The following GRIN2B variants were observed in gnomAD, a reference collection of about 807,000 sequenced individuals.
The protein encoded by GRIN2B is glutamate ionotropic receptor NMDA type subunit 2B, also known as glutamate receptor ionotropic, NMDA 2B.
In GRIN2B, 5 loss-of-function variants were observed where a neutral mutation model predicts 114.5. That is an observed-to-expected ratio of 0.04 (90% CI 0.02 to 0.09). The LOEUF (loss-of-function observed/expected upper bound fraction) is 0.09. Ranked by LOEUF, GRIN2B falls within the 10% of genes least tolerant of loss-of-function variation. The pLI is 1.00. For synonymous variants in GRIN2B, 787 were observed against 745.1 expected (o/e 1.06, Z -0.92); for missense variants, 1,108 against 1,943.5 (o/e 0.57, Z 8.08).
chr12:13,677,628 T>C (rs1421638350), intron 4 of GRIN2B, among the ~76,000 whole-genome samples: 1 of 152,072 alleles, frequency 6.6e-6, no homozygotes, highest in Non-Finnish European at 1.5e-5. Flanking sequence ...ATAATATTGG[T>C]CTTCTTAGCT....
chr12:13,913,772 C>T (rs1866663611), intron 2 of GRIN2B, among the ~76,000 whole-genome samples: 1 of 152,128 alleles, frequency 6.6e-6, no homozygotes, highest in African/African-American at 2.4e-5. Context: ...ACTGTAAATG[C>T]TTAGTGGAGA....
At chr12:13,684,886 G>T (rs1950163668) in intron 4 of GRIN2B, among the ~76,000 whole-genome samples, 1 of 152,104 alleles carries the variant, frequency 6.6e-6, no homozygotes, top group African/African-American at 2.4e-5. Flanking sequence ...TTAAGGTGAA[G>T]GCTTGTCTTT....
At chr12:13,964,385 C>T (rs1054783529) in intron 2 of GRIN2B, among the ~76,000 whole-genome samples, 4 of 152,190 alleles carry the variant, frequency 2.6e-5, no homozygotes, top group East Asian at 1.9e-4. Context: ...AGCAAAGAGG[C>T]CCTGCCCTTG....
At chr12:13,666,314 CAGCA>C (rs1272896850) in intron 5 of GRIN2B, among the ~76,000 whole-genome samples, 3 of 152,122 alleles carry the variant, frequency 2.0e-5, no homozygotes, top group Non-Finnish European at 2.9e-5. Context: ...CCTGTAAAAC[CAGCA>C]ATGGGCCACC....
rs142940713 is a variant in GRIN2B at position 13,566,911 on chromosome 12, C to A, written c.2598+114G>T. On this transcript the variant is annotated intron_variant, in intron 13 of 13. Coordinates refer to ENST00000609686, the MANE Select transcript of GRIN2B (RefSeq NM_000834.5). ...TAAGAAAACATACATGATGTGGTTTCTTGCTTGAGCAACATGGGGGTGGAG... is the reference window on the plus strand; with the variant it reads ...TAAGAAAACATACATGATGTGGTTTATTGCTTGAGCAACATGGGGGTGGAG... 224 of 796,980 alleles carry A rather than the reference C, an allele frequency of 2.8e-4. No individual in the cohort carries two copies. The African/African-American group carries it at 3.3e-3, about 12-fold the overall frequency. The allele number at this position is 796,980 out of a possible 1,614,324, so 49.4% of individuals were successfully genotyped here.
chr12:13,966,474 T>C (rs1038978849), intron 2 of GRIN2B, among the ~76,000 whole-genome samples: 5 of 152,244 alleles, frequency 3.3e-5, no homozygotes, highest in African/African-American at 1.2e-4. Flanking sequence ...ATTAATTGGT[T>C]TCCATTTGTA....
intron 3 of GRIN2B, among the ~76,000 whole-genome samples, chr12:13,825,496 T>G (rs376514336): frequency 1.9e-4 from 23 of 122,968 alleles, no homozygotes; most frequent in Middle Eastern, 4.4e-3. Flanking sequence ...TATATATATT[T>G]TGTGTGTGTG....
chr12:13,660,677 T>G (rs1030728334), intron 5 of GRIN2B, among the ~76,000 whole-genome samples: 3 of 152,218 alleles, frequency 2.0e-5, no homozygotes, highest in African/African-American at 7.2e-5. Context: ...TGAGATGAAG[T>G]GTTTCTAACT....
intron 3 of GRIN2B, among the ~76,000 whole-genome samples, chr12:13,850,868 G>A (rs1300682246): frequency 6.6e-6 from 1 of 151,822 alleles, no homozygotes; most frequent in Non-Finnish European, 1.5e-5. Context: ...AATAGTGCGG[G>A]CCAGTTGCTT....
At chr12:13,970,365 C>G (rs919330821) in intron 2 of GRIN2B, among the ~76,000 whole-genome samples, 1 of 152,164 alleles carries the variant, frequency 6.6e-6, no homozygotes. Context: ...ACTAAAGATA[C>G]TTTCGTCTGT....
chr12:13,616,242 G>A (rs566131160), intron 6 of GRIN2B, among the ~76,000 whole-genome samples: 23 of 152,256 alleles, frequency 1.5e-4, no homozygotes, highest in African/African-American at 4.1e-4. Flanking sequence ...AAACTTTAGC[G>A]TGGGAAGTTG....
chr12:13,871,056 T>G (rs538228886), intron 2 of GRIN2B, among the ~76,000 whole-genome samples: 5 of 152,218 alleles, frequency 3.3e-5, no homozygotes, highest in Admixed American at 2.6e-4. Flanking sequence ...GGCTAAAATA[T>G]AGACTTTTCA....
At chr12:13,614,016 C>CA (rs77527098) in intron 8 of GRIN2B, among the ~76,000 whole-genome samples, 29,825 of 92,294 alleles carry the variant, frequency 0.32, 5,012 homozygotes, top group East Asian at 0.67. Context: ...CCTTGCACAG[C>CA]AAAAAAAAAA....
chr12:13,823,863 G>C (rs538037958), intron 3 of GRIN2B, among the ~76,000 whole-genome samples: 20 of 152,148 alleles, frequency 1.3e-4, no homozygotes, highest in African/African-American at 4.6e-4. Flanking sequence ...ACATGAATGA[G>C]TGTTCAATTT....
intron 2 of GRIN2B, among the ~76,000 whole-genome samples, chr12:13,872,448 C>G (rs1326589279): frequency 7.8e-6 from 1 of 127,524 alleles, no homozygotes; most frequent in East Asian, 2.6e-4. Flanking sequence ...GAGCAAGGCT[C>G]CGACTCAAAA....
chr12:13,726,982 G>T (rs1449050691), intron 4 of GRIN2B, among the ~76,000 whole-genome samples: 1 of 152,108 alleles, frequency 6.6e-6, no homozygotes, highest in African/African-American at 2.4e-5. Flanking sequence ...TCACAGAACA[G>T]TTATTATCTC....
At chr12:13,979,013 T>C (rs1863082201) in intron 2 of GRIN2B, among the ~76,000 whole-genome samples, 1 of 152,206 alleles carries the variant, frequency 6.6e-6, no homozygotes, top group South Asian at 2.1e-4. Context: ...ACAGCACATC[T>C]CTTTGTTTAA....
At chr12:13,573,575 T>C (rs1948734167) in intron 10 of GRIN2B, among the ~76,000 whole-genome samples, 1 of 151,920 alleles carries the variant, frequency 6.6e-6, no homozygotes, top group Non-Finnish European at 1.5e-5. Context: ...AAGCTTCTTA[T>C]TCTATTAGTA....
chr12:13,719,622 T>A (rs1950489803), intron 4 of GRIN2B, among the ~76,000 whole-genome samples: 1 of 152,028 alleles, frequency 6.6e-6, no homozygotes, highest in African/African-American at 2.4e-5. Context: ...ACATTTCTGT[T>A]CACTGAACAT....
Sources: allele counts gnomAD v4.1 joint callset (sites outside exome capture counted in the v4.1 genomes callset), GRCh38; gene constraint gnomAD v4.1.1; transcripts MANE v1.5; gene names NCBI Gene and HGNC (gene_info 2026-07-23, HGNC 2026-07-21).